The following CTNNAL1 variants were observed in gnomAD, a reference collection of about 807,000 sequenced individuals.
CTNNAL1 encodes catenin alpha like 1.
In CTNNAL1, 69 loss-of-function variants were observed where a neutral mutation model predicts 93.6. That is an observed-to-expected ratio of 0.74 (90% confidence interval 0.61 to 0.90). The LOEUF (loss-of-function observed/expected upper bound fraction) is 0.90, where lower values mean the gene tolerates loss of function less well. CTNNAL1 is among the 40% of genes least tolerant of loss of function. CTNNAL1 has a pLI of 0.00. For synonymous variants in CTNNAL1, 286 were observed against 305.4 expected (o/e 0.94, Z 0.66); for missense variants, 836 against 862.0 (o/e 0.97, Z 0.38).
Position 108,982,365 on chromosome 9 carries a change from T to C in CTNNAL1, c.900+780A>G, listed in dbSNP as rs187126595. Among the ~76,000 whole-genome samples, 217 of 152,336 alleles carry C rather than the reference T, an allele frequency of 1.4e-3. 3 individuals carry two copies. The highest frequency in any genetic ancestry group is 4.9e-3 in the African/African-American group (203 of 41,576). On this transcript the variant is annotated intron_variant, in intron 6 of 18. Transcript: ENST00000325551. ...GCACAGAATAAGGACTCAATAACTG[T>C]TAGTGTGTATTACTGTTGATTTTTA... is the stretch of plus-strand genomic sequence containing the variant.
intron 11 of CTNNAL1, among the ~76,000 whole-genome samples, chr9:108,959,100 C>T (rs1830758918): frequency 6.6e-6 from 1 of 151,634 alleles, no homozygotes; most frequent in Admixed American, 6.6e-5. Context: ...TGGCTCATGC[C>T]TGTAATCCCA....
In CTNNAL1 at chr9:108,970,477, T is replaced by C; in HGVS notation, c.1365A>G (p.Arg455=). 1 of 1,611,588 alleles carries C rather than the reference T, an allele frequency of 6.2e-7. No homozygotes were observed. The highest frequency in any genetic ancestry group is 2.2e-5 in the East Asian group (1 of 44,606). ...EQLVETCRLL[R]HISGTEPLEI... ...CCAGAGGTTCTGTCCCAGATATGTG[T>C]CGTAACAATCGACAGGTCTACAAGA... The change falls in exon 10 of 19, where the codon CGA becomes CGG. Residue 455 remains arginine (R), a synonymous_variant. Transcript: ENST00000325551.
intron 6 of CTNNAL1, among the ~76,000 whole-genome samples, chr9:108,982,294 G>A (rs1831455074): frequency 6.6e-6 from 1 of 152,182 alleles, no homozygotes; most frequent in African/African-American, 2.4e-5. Context: ...ATAGTTCTTT[G>A]AGGATTATAT....
intron 4 of CTNNAL1, among the ~76,000 whole-genome samples, chr9:108,985,429 A>C (rs1831576232): frequency 6.6e-6 from 1 of 152,258 alleles, no homozygotes; most frequent in East Asian, 1.9e-4. Flanking sequence ...CTTACAAATA[A>C]GTAAAACCTA....
At chr9:108,972,864 G>GGGGGGGGGGCCCCCCCCCCCCCCCC in intron 8 of CTNNAL1, 31 bp from the exon 9 acceptor site, 1 of 142,588 alleles carries the variant, frequency 7.0e-6, no homozygotes, top group Non-Finnish European at 1.0e-5. Flanking sequence ...GGGGGGGTGG[G>GGGGGGGGGGCCCCCCCCCCCCCCCC]AGGGTGGAGA....
In CTNNAL1 at chr9:108,999,256, T is replaced by C; in HGVS notation, c.142A>G (p.Ile48Val). The change falls in exon 2 of 19, where the codon ATC becomes GTC. Residue 48 changes from isoleucine to valine, a missense_variant and splice_region_variant. Coordinates refer to ENST00000325551, the MANE Select transcript of CTNNAL1 (RefSeq NM_003798.4). ...TCTTTATGATTAATAAGCGTGGTGA[T>C]CTAAAAATAAAAGATAAAAGCAACT... ...EQTLLPLVSQ[I>V]TTLINHKDNT... The C allele has an allele frequency of 6.3e-7, 1 of 1,576,742 alleles. No individual in the cohort carries two copies. The highest frequency in any genetic ancestry group is 8.6e-7 in the Non-Finnish European group (1 of 1,166,504).
intron 11 of CTNNAL1, among the ~76,000 whole-genome samples, chr9:108,964,264 C>T (rs1830894656): frequency 6.6e-6 from 1 of 151,878 alleles, no homozygotes; most frequent in Non-Finnish European, 1.5e-5. Flanking sequence ...CTATTATGCC[C>T]TGATTTTTAA....
rs967088547 is a variant in CTNNAL1 at position 108,959,176 on chromosome 9, G to A, written c.1592-3349C>T. ...AGATCGAGACCATCCTGGCTAACAC[G>A]GTGAAACCCTGTCTCTACTAAAAAT... On this transcript the variant is annotated intron_variant, in intron 11 of 18. Transcript: ENST00000325551. Among the ~76,000 whole-genome samples, 5 of 150,878 alleles carry A rather than the reference G, an allele frequency of 3.3e-5. No individual in the cohort carries two copies. The South Asian group carries it at 6.3e-4, about 19-fold the overall frequency.
intron 8 of CTNNAL1, among the ~76,000 whole-genome samples, chr9:108,975,119 C>T (rs1397993522): frequency 3.3e-5 from 5 of 152,106 alleles, no homozygotes; most frequent in East Asian, 1.9e-4. Context: ...GCCAAGATCA[C>T]GCCACTGCAC....
chr9:108,965,357 A>T (rs753896447), intron 11 of CTNNAL1, 21 bp downstream of exon 11: 1 of 1,383,308 alleles, frequency 7.2e-7, no homozygotes, highest in South Asian at 1.9e-5. Flanking sequence ...AACATATTTC[A>T]TTATGTGGAC....
At chr9:109,002,741 T>G (rs1403804897) in intron 1 of CTNNAL1, among the ~76,000 whole-genome samples, 1 of 151,844 alleles carries the variant, frequency 6.6e-6, no homozygotes, top group Non-Finnish European at 1.5e-5. Flanking sequence ...ATCAGCACTT[T>G]GGGAGGCCGA....
intron 2 of CTNNAL1, among the ~76,000 whole-genome samples, chr9:108,995,537 G>GT (rs1209721744): frequency 1.3e-5 from 2 of 152,150 alleles, no homozygotes; most frequent in South Asian, 2.1e-4. Flanking sequence ...CCCTAAAAAA[G>GT]TAACAAAGCT....
chr9:108,959,374 A>C (rs2132108958), intron 11 of CTNNAL1, among the ~76,000 whole-genome samples: 1 of 149,596 alleles, frequency 6.7e-6, no homozygotes, highest in South Asian at 2.1e-4. Flanking sequence ...CAAAAAAAAA[A>C]AAAAAAAAAA....
At chr9:109,010,986 A>G (rs1827187534) in intron 1 of CTNNAL1, among the ~76,000 whole-genome samples, 1 of 152,242 alleles carries the variant, frequency 6.6e-6, no homozygotes, top group Admixed American at 6.5e-5. Context: ...CCCCTCAAAA[A>G]ACAGCAACAA....
intron 8 of CTNNAL1, 35 bp from the exon 9 acceptor site, chr9:108,972,868 G>GGGGCCCCCCCCCCGGGT: frequency 9.2e-7 from 1 of 1,092,786 alleles, no homozygotes; most frequent in Non-Finnish European, 1.2e-6. Context: ...GGGTGGGAGG[G>GGGGCCCCCCCCCCGGGT]TGGAGAAGGA....
chr9:108,982,910 T>C (rs1433147231), intron 6 of CTNNAL1, among the ~76,000 whole-genome samples: 1 of 152,042 alleles, frequency 6.6e-6, no homozygotes, highest in African/African-American at 2.4e-5. Context: ...AAACCCCGTC[T>C]CTACCAAAAA....
chr9:108,968,706 G>A (rs1831025594), intron 10 of CTNNAL1, among the ~76,000 whole-genome samples: 1 of 152,100 alleles, frequency 6.6e-6, no homozygotes, highest in African/African-American at 2.4e-5. Flanking sequence ...TTCTCTACAG[G>A]AGAGCATGAG....
rs10979624 is a variant in CTNNAL1 at position 108,955,783 on chromosome 9, T to C, written c.1629+7A>G. 0.01 allele frequency: 16,359 copies of C among 1,600,514 alleles called. 465 individuals are homozygous for C. In the East Asian group the frequency reaches 0.11, roughly 11 times the overall value. The stretch of plus-strand genomic sequence containing the variant: ...CATTCTGCAATGTACATAATTCTTC[T>C]ACTTACCATTGGCTTTGGAAGTGAA... On this transcript the variant is annotated splice_region_variant and intron_variant, in intron 12 of 18. Transcript: ENST00000325551.
intron 5 of CTNNAL1, 26 bp from the exon 6 acceptor site, chr9:108,983,341 T>C: frequency 6.9e-7 from 1 of 1,448,206 alleles, no homozygotes; most frequent in Non-Finnish European, 9.1e-7. Flanking sequence ...AAATTTTTAT[T>C]TTAATATTTG....
Sources: gnomAD v4.1 joint callset for allele counts (sites outside exome capture counted in the v4.1 genomes callset) on GRCh38, gnomAD v4.1.1 for gene constraint, MANE v1.5 for transcripts, NCBI Gene and HGNC (gene_info 2026-07-23, HGNC 2026-07-21) for gene names.